Variants in MACF1 observed in about 807,000 individuals in gnomAD.
MACF1 encodes the protein microtubule-actin cross-linking factor 1.
In MACF1, 193 loss-of-function variants were observed where a neutral mutation model predicts 854.8. That is an observed-to-expected ratio of 0.23 (90% CI 0.20 to 0.25). The LOEUF is 0.25. Among genes scored for constraint, MACF1 ranks in the 10% least tolerant of loss-of-function variants. The probability of loss-of-function intolerance (pLI) is 1.00; values close to 1 mark genes in which losing one functional copy is unlikely to be tolerated. For synonymous variants in MACF1, 3,185 were observed against 3,226.7 expected (o/e 0.99, Z 0.44); for missense variants, 7,722 against 8,929.1 (o/e 0.86, Z 5.45).
intron 49 of MACF1, among the ~76,000 whole-genome samples, chr1:39,366,175 T>C (rs1326480071): frequency 1.3e-5 from 2 of 152,220 alleles, no homozygotes; most frequent in African/African-American, 4.8e-5. Context: ...CCTTCATTAG[T>C]TCTAGAGAAG....
chr1:39,455,588 T>C (rs1257261392), intron 89 of MACF1, among the ~76,000 whole-genome samples: 9 of 152,188 alleles, frequency 5.9e-5, no homozygotes, highest in African/African-American at 2.2e-4. Context: ...ATTCCATCAT[T>C]TGCCCACACT....
intron 4 of MACF1, 90 bp from the exon 5 acceptor site, chr1:39,254,208 G>A (rs925471671): frequency 1.0e-5 from 11 of 1,060,138 alleles, no homozygotes; most frequent in African/African-American, 4.7e-5. Context: ...ATTCTTGTGT[G>A]GTCCTTTAGT....
At chr1:39,234,435 C>G in intron 2 of MACF1, among the ~76,000 whole-genome samples, 1 of 149,376 alleles carries the variant, frequency 6.7e-6, no homozygotes, top group South Asian at 2.1e-4. Context: ...CCCCCACCTC[C>G]CTCCCGGACG....
At chr1:39,291,748 T>C (rs1342033806) in intron 15 of MACF1, among the ~76,000 whole-genome samples, 162 bp from the exon 16 acceptor site, 1 of 152,216 alleles carries the variant, frequency 6.6e-6, no homozygotes, top group Non-Finnish European at 1.5e-5. Flanking sequence ...GCGGTGATGA[T>C]GGCGTAATTT....
chr1:39,410,493 A>G (rs771849861), intron 58 of MACF1: 2 of 1,614,084 alleles, frequency 1.2e-6, no homozygotes, highest in South Asian at 1.1e-5. Flanking sequence ...ATGGTACATT[A>G]GGAGCAGCAT....
chr1:39,362,465 T>C (rs1648279606), intron 49 of MACF1, among the ~76,000 whole-genome samples: 1 of 152,330 alleles, frequency 6.6e-6, no homozygotes, highest in African/African-American at 2.4e-5. Context: ...GATTCACCAG[T>C]TGCTAATTGT....
intron 36 of MACF1, among the ~76,000 whole-genome samples, chr1:39,327,796 G>A (rs1033510344): frequency 1.3e-5 from 2 of 152,140 alleles, no homozygotes; most frequent in Non-Finnish European, 2.9e-5. Flanking sequence ...AAGCAAACTG[G>A]TAGAGTAGTT....
At chr1:39,186,455 C>A (rs537380738) in intron 2 of MACF1, among the ~76,000 whole-genome samples, 55 of 151,730 alleles carry the variant, frequency 3.6e-4, no homozygotes, top group African/African-American at 1.3e-3. Context: ...TTTAGGGGCT[C>A]ACCTATAGGA....
intron 23 of MACF1, among the ~76,000 whole-genome samples, chr1:39,307,937 C>T (rs752970885): frequency 2.1e-4 from 25 of 116,304 alleles, no homozygotes; most frequent in Non-Finnish European, 3.5e-4. Flanking sequence ...TGGAGTCTCG[C>T]CGTGTCGCCC....
intron 26 of MACF1, among the ~76,000 whole-genome samples, chr1:39,314,565 TCTCTCACA>T (rs754888325): frequency 0.087 from 4,488 of 51,314 alleles, 82 homozygotes; most frequent in South Asian, 0.29. Context: ...TCTCTCTCTC[TCTCTCACA>T]CACACACACA....
intron 2 of MACF1, among the ~76,000 whole-genome samples, chr1:39,241,287 G>A (rs1459646979): frequency 6.6e-6 from 1 of 152,114 alleles, no homozygotes; most frequent in Non-Finnish European, 1.5e-5. Flanking sequence ...AACATAGTTT[G>A]AGTCAAGGAA....
At chr1:39,304,413 T>A (rs1050653291) in intron 23 of MACF1, 33 of 1,196,160 alleles carry the variant, frequency 2.8e-5, no homozygotes, top group Non-Finnish European at 3.8e-5. Context: ...ACTTTCCTGC[T>A]AACTGGTTGA....
intron 5 of MACF1, among the ~76,000 whole-genome samples, chr1:39,256,675 C>T (rs1645100455): frequency 6.6e-6 from 1 of 152,112 alleles, no homozygotes. Flanking sequence ...TCCTCCGTTC[C>T]CAGCACACTG....
intron 91 of MACF1, among the ~76,000 whole-genome samples, chr1:39,459,621 C>G (rs1042454673): frequency 5.3e-5 from 8 of 152,184 alleles, no homozygotes; most frequent in African/African-American, 1.9e-4. Context: ...TTGAGCCTTT[C>G]ATGTAAAAAC....
rs547194517 is a variant in MACF1 at position 39,208,383 on chromosome 1, C to T, written c.109+3252C>T. 2.0e-5 allele frequency among the ~76,000 whole-genome samples: 3 copies of T among 152,096 alleles called. No homozygotes were observed. The East Asian group carries it at 5.8e-4, about 29-fold the overall frequency. ...GTGCTGCAGTAGCACCCTGTTAACA[C>T]TACTTATTCAAACCTGTATTGTCAT... is the stretch of plus-strand genomic sequence containing the variant. On this transcript the variant is annotated intron_variant, in intron 1 of 100. Coordinates refer to ENST00000564288, the MANE Select transcript of MACF1 (RefSeq NM_001394062.1).
Position 39,335,573 on chromosome 1 carries a change from T to C in MACF1, c.8985T>C (p.Ser2995=), listed in dbSNP as rs1341079282. 5 of 1,614,188 alleles carry C rather than the reference T, an allele frequency of 3.1e-6. No individual in the cohort carries two copies. Among genetic ancestry groups the C allele is most frequent in the Non-Finnish European group, 4.2e-6 (5 of 1,180,024 alleles). ...SIRTCKPAFL[S]EEKLYQETAI... ...GAACATGCAAACCAGCATTTCTTTCTGAAGAAAAGTTGTATCAGGAAACTG... is the reference window on the plus strand; with the variant it reads ...GAACATGCAAACCAGCATTTCTTTCCGAAGAAAAGTTGTATCAGGAAACTG... The change falls in exon 37 of 101, where the codon TCT becomes TCC. Residue 2995 remains serine, a synonymous_variant. Coordinates refer to ENST00000564288, the MANE Select transcript of MACF1 (RefSeq NM_001394062.1).
intron 1 of MACF1, 146 bp downstream of exon 1, chr1:39,205,277 T>A: frequency 1.6e-6 from 1 of 624,924 alleles, no homozygotes; most frequent in Non-Finnish European, 2.8e-6. Context: ...AGTGTGTGTG[T>A]GTGAGTATAA....
At chr1:39,365,194 A>G (rs1569724257) in intron 49 of MACF1, among the ~76,000 whole-genome samples, 1 of 151,504 alleles carries the variant, frequency 6.6e-6, no homozygotes, top group Admixed American at 6.6e-5. Context: ...CTCTGCCTCA[A>G]CCTCCCAAGT....
At chr1:39,289,562 C>G (rs182923319) in intron 15 of MACF1, among the ~76,000 whole-genome samples, 1 of 151,896 alleles carries the variant, frequency 6.6e-6, no homozygotes, top group South Asian at 2.1e-4. Context: ...CTATTCAAAT[C>G]TTTTACTCAT....
Sources: gnomAD v4.1 joint callset for allele counts (sites outside exome capture counted in the v4.1 genomes callset) on GRCh38, gnomAD v4.1.1 for gene constraint, MANE v1.5 for transcripts, NCBI Gene and HGNC (gene_info 2026-07-23, HGNC 2026-07-21) for gene names.